The following DAB1 variants were observed in gnomAD, a reference collection of about 807,000 sequenced individuals.
DAB1 encodes the protein disabled homolog 1.
Under a neutral mutation model 64.6 loss-of-function variants are expected in DAB1, and 15 were observed. That is an observed-to-expected ratio of 0.23 (90% CI 0.16 to 0.36). The LOEUF is 0.36. DAB1 is among the 10% of genes least tolerant of loss of function. The probability of loss-of-function intolerance (pLI) is 1.00; values close to 1 mark genes in which losing one functional copy is unlikely to be tolerated. For missense variants in DAB1, 596 were observed against 706.7 expected (o/e 0.84, Z 1.78); for synonymous variants, 235 against 251.9 (o/e 0.93, Z 0.64).
At chr1:57,749,091 C>T (rs72664624) in intron 6 of DAB1, among the ~76,000 whole-genome samples, 8,398 of 152,288 alleles carry the variant, frequency 0.055, 264 homozygotes, top group Middle Eastern at 0.099. Context: ...ACTGAATATT[C>T]TCTGGAATCA....
At chr1:57,520,509 G>GA (rs886636714) in intron 7 of DAB1, among the ~76,000 whole-genome samples, 3 of 151,684 alleles carry the variant, frequency 2.0e-5, no homozygotes, top group Non-Finnish European at 4.4e-5. Context: ...TACAATATTA[G>GA]AAAAAAATCA....
chr1:57,419,001 A>G (rs991742177), intron 1 of DAB1, among the ~76,000 whole-genome samples: 6 of 152,214 alleles, frequency 3.9e-5, no homozygotes, highest in Admixed American at 6.5e-5. Context: ...TTTTACATGA[A>G]TTTATATCCT....
chr1:57,612,155 C>A (rs757137130), intron 7 of DAB1, among the ~76,000 whole-genome samples: 3 of 151,886 alleles, frequency 2.0e-5, no homozygotes, highest in Non-Finnish European at 4.4e-5. Flanking sequence ...TCTCTGCCTT[C>A]ATCCTATGCC....
rs1557650894 is a variant in DAB1 at position 57,061,234 on chromosome 1, G to GGC, written c.723+1649_723+1650insGC. 3.1e-4 allele frequency among the ~76,000 whole-genome samples: 47 copies of GGC among 151,174 alleles called. 1 individual carries two copies. The highest frequency in any genetic ancestry group is 1.0e-3 in the African/African-American group (42 of 41,120). ...TTCAGAAGCCATATTTAGATGGGGGGGGGGGGTGGTTTCAAGATCCTGGAA... is the reference window on the plus strand; with the variant it reads ...TTCAGAAGCCATATTTAGATGGGGGGGCGGGGGGTGGTTTCAAGATCCTGGAA... On this transcript the variant is annotated intron_variant, in intron 9 of 14. Coordinates refer to ENST00000371236, the MANE Select transcript of DAB1 (RefSeq NM_001365792.1).
intron 2 of DAB1, among the ~76,000 whole-genome samples, chr1:57,253,832 C>T (rs1175247500): frequency 6.6e-6 from 1 of 152,154 alleles, no homozygotes; most frequent in Non-Finnish European, 1.5e-5. Flanking sequence ...CATGTTTGGA[C>T]CTCCTTAATC....
At chr1:58,328,696 A>G (rs570959433) in intron 4 of DAB1, among the ~76,000 whole-genome samples, 1 of 152,010 alleles carries the variant, frequency 6.6e-6, no homozygotes, top group African/African-American at 2.4e-5. Context: ...ACCTCCACCT[A>G]CCAGGTTCTA....
intron 4 of DAB1, among the ~76,000 whole-genome samples, chr1:58,256,930 C>A (rs866794352): frequency 2.0e-5 from 3 of 152,192 alleles, no homozygotes; most frequent in Non-Finnish European, 2.9e-5. Flanking sequence ...TGCTGATTTG[C>A]GCCATCTCTT....
At chr1:57,152,522 A>C (rs1029094761) in intron 2 of DAB1, among the ~76,000 whole-genome samples, 1 of 152,214 alleles carries the variant, frequency 6.6e-6, no homozygotes, top group African/African-American at 2.4e-5. Flanking sequence ...AAAGAAAAGC[A>C]GTAACTGCCT....
chr1:58,187,867 C>CCATA, intron 4 of DAB1, among the ~76,000 whole-genome samples: 2 of 148,420 alleles, frequency 1.3e-5, no homozygotes, highest in East Asian at 2.0e-4. Flanking sequence ...GTGTGAGCCA[C>CCATA]CTGGCCTGTT....
intron 1 of DAB1, among the ~76,000 whole-genome samples, chr1:57,305,755 G>A (rs2100714610): frequency 6.6e-6 from 1 of 152,100 alleles, no homozygotes; most frequent in East Asian, 1.9e-4. Context: ...AGATCACGAG[G>A]TCAGGAGATC....
chr1:58,239,126 T>C (rs1485740003), intron 4 of DAB1, among the ~76,000 whole-genome samples: 1 of 152,166 alleles, frequency 6.6e-6, no homozygotes, highest in African/African-American at 2.4e-5. Flanking sequence ...TAAATCCCTT[T>C]CAGCTTAAAT....
chr1:58,407,006 G>C (rs1394546043), intron 3 of DAB1, among the ~76,000 whole-genome samples: 1 of 152,178 alleles, frequency 6.6e-6, no homozygotes, highest in Non-Finnish European at 1.5e-5. Flanking sequence ...GCCAGTAGCA[G>C]AGAAATAGAG....
chr1:57,290,399 T>G (rs1436069585), intron 2 of DAB1, among the ~76,000 whole-genome samples: 1 of 152,192 alleles, frequency 6.6e-6, no homozygotes, highest in Non-Finnish European at 1.5e-5. Flanking sequence ...CTAGATTTAC[T>G]GAATCTGACA....
At chr1:58,259,627 G>T (rs1661006159) in intron 4 of DAB1, among the ~76,000 whole-genome samples, 1 of 152,184 alleles carries the variant, frequency 6.6e-6, no homozygotes, top group South Asian at 2.1e-4. Context: ...TCCAAAAGAT[G>T]TAGGGCCTGG....
At chr1:58,463,770 C>T (rs952648587) in intron 3 of DAB1, among the ~76,000 whole-genome samples, 4 of 152,186 alleles carry the variant, frequency 2.6e-5, no homozygotes, top group Non-Finnish European at 5.9e-5. Flanking sequence ...GCCATGTGGA[C>T]CCACCTGTGT....
intron 3 of DAB1, among the ~76,000 whole-genome samples, chr1:58,424,013 A>G (rs1320566063): frequency 2.0e-5 from 3 of 152,046 alleles, no homozygotes; most frequent in Non-Finnish European, 2.9e-5. Flanking sequence ...TAGTCCTCCC[A>G]CTAAACTCTC....
Position 58,303,439 on chromosome 1 carries a change from T to C in DAB1, n.309+39913A>G, listed in dbSNP as rs192585412. Among the ~76,000 whole-genome samples, 424 of 152,220 alleles carry C rather than the reference T, an allele frequency of 2.8e-3. 2 individuals are homozygous for C. Among genetic ancestry groups the C allele is most frequent in the Non-Finnish European group, 5.5e-3 (371 of 67,998 alleles). ...GACTGATACAAGTTTAATATGGAGA[T>C]GAACAGAACAGGTAAGAAAAACCAG... On this transcript the variant is annotated intron_variant and non_coding_transcript_variant, in intron 4 of 20. Coordinates refer to the DAB1 transcript ENST00000485760.
intron 4 of DAB1, among the ~76,000 whole-genome samples, chr1:58,300,703 A>T (rs1406380220): frequency 1.3e-5 from 2 of 148,330 alleles, no homozygotes. Flanking sequence ...GAAGGAAGGA[A>T]GGAAGGAAGG....
At chr1:57,140,836 A>C (rs1003513843) in intron 3 of DAB1, among the ~76,000 whole-genome samples, 18 of 152,178 alleles carry the variant, frequency 1.2e-4, no homozygotes, top group Non-Finnish European at 2.5e-4. Context: ...CAGTATCTCG[A>C]TGGAGGACGT....
Sources: allele counts gnomAD v4.1 joint callset (sites outside exome capture counted in the v4.1 genomes callset), GRCh38; gene constraint gnomAD v4.1.1; transcripts MANE v1.5; gene names NCBI Gene and HGNC (gene_info 2026-07-23, HGNC 2026-07-21).